WWP2: variants seen among roughly 807,000 people sequenced by gnomAD.
WWP2 encodes NEDD4-like E3 ubiquitin-protein ligase WWP2.
Under a neutral mutation model 121.0 loss-of-function variants are expected in WWP2, and 57 were observed. The ratio of observed to expected loss-of-function variants is 0.47; its 90% confidence interval spans 0.38 to 0.59. The LOEUF (loss-of-function observed/expected upper bound fraction) is 0.59. Among genes scored for constraint, WWP2 ranks in the 20% least tolerant of loss-of-function variants. WWP2 has a pLI of 0.00. For missense variants in WWP2, 962 were observed against 1,158.9 expected (o/e 0.83, Z 2.47); for synonymous variants, 449 against 441.3 (o/e 1.02, Z -0.22).
At chr16:69,827,125 G>C (rs1240059449) in intron 4 of WWP2, among the ~76,000 whole-genome samples, 1 of 148,294 alleles carries the variant, frequency 6.7e-6, no homozygotes, top group African/African-American at 2.5e-5. Context: ...CTGCATACAT[G>C]TCTAATGTTT....
chr16:69,855,869 G>A (rs1306766077), intron 6 of WWP2, among the ~76,000 whole-genome samples: 1 of 152,132 alleles, frequency 6.6e-6, no homozygotes, highest in Non-Finnish European at 1.5e-5. Context: ...TGTATTTCGA[G>A]GTTATTTCAT....
chr16:69,808,834 ACT>A (rs751726517), intron 4 of WWP2, among the ~76,000 whole-genome samples: 1 of 152,058 alleles, frequency 6.6e-6, no homozygotes, highest in Non-Finnish European at 1.5e-5. Context: ...TGACATAAAC[ACT>A]CTCAGGACAT....
intron 7 of WWP2, among the ~76,000 whole-genome samples, chr16:69,881,818 A>C (rs2057834912): frequency 6.6e-6 from 1 of 152,114 alleles, no homozygotes. Context: ...TAGCCTCCCG[A>C]GTAGCTGGGA....
intron 9 of WWP2, among the ~76,000 whole-genome samples, chr16:69,914,303 A>C (rs576431180): frequency 6.6e-6 from 1 of 152,192 alleles, no homozygotes; most frequent in East Asian, 1.9e-4. Flanking sequence ...CAGAGGATAA[A>C]AAAAGACTCA....
chr16:69,927,607 G>C (rs1398419571), intron 11 of WWP2, among the ~76,000 whole-genome samples: 1 of 152,200 alleles, frequency 6.6e-6, no homozygotes, highest in Non-Finnish European at 1.5e-5. Context: ...CCTCAAGCCC[G>C]CTGGACAGAT....
At chr16:69,939,466 C>G in intron 23 of WWP2, 53 bp downstream of exon 23, 2 of 1,588,950 alleles carry the variant, frequency 1.3e-6, no homozygotes, top group Middle Eastern at 1.7e-4. Flanking sequence ...CCGATGAGCT[C>G]CTGGGACAGC....
intron 4 of WWP2, among the ~76,000 whole-genome samples, chr16:69,824,131 G>C (rs967056700): frequency 5.3e-5 from 8 of 152,170 alleles, no homozygotes; most frequent in Non-Finnish European, 1.0e-4. Flanking sequence ...GGCGGCTTCC[G>C]CCTGACCGTC....
intron 5 of WWP2, among the ~76,000 whole-genome samples, chr16:69,840,978 T>C (rs889923737): frequency 6.6e-5 from 10 of 152,236 alleles, no homozygotes; most frequent in African/African-American, 2.4e-4. Context: ...AGTGGCCGGA[T>C]GGGCCTTGAC....
intron 4 of WWP2, among the ~76,000 whole-genome samples, chr16:69,835,803 A>ATT (rs1253199055): frequency 5.4e-5 from 7 of 130,706 alleles, no homozygotes; most frequent in Non-Finnish European, 9.7e-5. Flanking sequence ...AACCAAAGTA[A>ATT]ATTTTTTTTT....
At chr16:69,837,354 C>T (rs1361106890) in intron 4 of WWP2, among the ~76,000 whole-genome samples, 1 of 152,254 alleles carries the variant, frequency 6.6e-6, no homozygotes, top group African/African-American at 2.4e-5. Context: ...GCATGAGCCA[C>T]TGCACCCAGC....
At chr16:69,777,405 A>G (rs953891936) in intron 1 of WWP2, among the ~76,000 whole-genome samples, 7 of 151,764 alleles carry the variant, frequency 4.6e-5, no homozygotes, top group African/African-American at 1.7e-4. Flanking sequence ...GGTTCAAGCA[A>G]TTCTCCTGCC....
At chr16:69,839,884 T>C (rs1012567478) in intron 4 of WWP2, among the ~76,000 whole-genome samples, 7 of 152,234 alleles carry the variant, frequency 4.6e-5, no homozygotes, top group Admixed American at 3.9e-4. Flanking sequence ...ATTATGGTGC[T>C]GACCCAGTGA....
In WWP2 at chr16:69,931,722, C is replaced by T; in HGVS notation, c.1594-80C>T. ...TGACTGTGTCTGCTGGATATTGGGC[C>T]TTAGAGTCCCCTGTCCCTCCCGCCC... On this transcript the variant is annotated intron_variant, in intron 15 of 23. Transcript: ENST00000359154. 5 of 1,578,368 alleles carry T rather than the reference C, an allele frequency of 3.2e-6. 1 individual carries two copies. The South Asian group carries it at 3.3e-5, about 10-fold the overall frequency.
intron 16 of WWP2, among the ~76,000 whole-genome samples, 197 bp downstream of exon 16, chr16:69,932,087 T>C (rs2058724335): frequency 6.6e-6 from 1 of 152,216 alleles, no homozygotes; most frequent in Non-Finnish European, 1.5e-5. Flanking sequence ...CCCAGCACTT[T>C]GGGAGGCTGA....
At chr16:69,915,597 GAC>G (rs1360497820) in intron 9 of WWP2, among the ~76,000 whole-genome samples, 42 of 152,196 alleles carry the variant, frequency 2.8e-4, no homozygotes, top group African/African-American at 9.4e-4. Flanking sequence ...GTTATTTAGA[GAC>G]ACAGATGTAC....
intron 10 of WWP2, among the ~76,000 whole-genome samples, chr16:69,924,108 C>T (rs868178670): frequency 5.3e-5 from 8 of 152,366 alleles, no homozygotes; most frequent in Middle Eastern, 3.4e-3. Flanking sequence ...AAGGGGGCTC[C>T]GTCCTGTCAA....
At chr16:69,877,267 C>T (rs929826823) in intron 7 of WWP2, among the ~76,000 whole-genome samples, 3 of 152,166 alleles carry the variant, frequency 2.0e-5, no homozygotes, top group Admixed American at 6.6e-5. Context: ...TGGACTTTTA[C>T]GCTGTGTTTG....
chr16:69,930,883 C>A (rs969703670), intron 13 of WWP2, among the ~76,000 whole-genome samples: 1 of 152,132 alleles, frequency 6.6e-6, no homozygotes, highest in African/African-American at 2.4e-5. Context: ...AGAAAACGAA[C>A]AAACAAATAA....
At chr16:69,825,313 A>G (rs1417491147) in intron 4 of WWP2, among the ~76,000 whole-genome samples, 12 of 151,558 alleles carry the variant, frequency 7.9e-5, no homozygotes, top group Non-Finnish European at 1.8e-4. Context: ...AGTCCCAGCT[A>G]CTCAGGAGGC....
Sources: allele counts gnomAD v4.1 joint callset (sites outside exome capture counted in the v4.1 genomes callset), GRCh38; gene constraint gnomAD v4.1.1; transcripts MANE v1.5; gene names NCBI Gene and HGNC (gene_info 2026-07-23, HGNC 2026-07-21).